Variants in SLC39A7 observed in about 807,000 individuals in gnomAD.
The protein encoded by SLC39A7 is zinc transporter SLC39A7.
SLC39A7 carries 25 observed loss-of-function variants against 39.7 expected under a neutral mutation model. The ratio of observed to expected loss-of-function variants is 0.63; its 90% confidence interval spans 0.46 to 0.88. SLC39A7 has a LOEUF of 0.88. Among genes scored for constraint, SLC39A7 ranks in the 40% least tolerant of loss-of-function variants. The pLI is 0.00. For missense variants in SLC39A7, 501 were observed against 592.1 expected (o/e 0.85, Z 1.60); for synonymous variants, 181 against 234.1 (o/e 0.77, Z 2.07).
intron 3 of SLC39A7, 55 bp from the exon 4 acceptor site, chr6:33,202,208 G>A: frequency 6.3e-7 from 1 of 1,597,294 alleles, no homozygotes; most frequent in Non-Finnish European, 8.6e-7. Context: ...CGCACTTGAG[G>A]AGGAGGAGTC....
Position 33,200,942 on chromosome 6 carries a change from A to G in SLC39A7, c.-304A>G, listed in dbSNP as rs1455211337. The G allele has an allele frequency of 4.1e-6, 4 of 969,470 alleles. No homozygotes were observed. The highest frequency in any genetic ancestry group is 4.8e-6 in the Non-Finnish European group (3 of 622,290). 60.1% of individuals were successfully genotyped at this position (969,470 alleles called of 1,614,324 possible). ...AAAGGAGAGGATCCCGGAGCCGGTGAGAATTCTCTGTTTTTTCTCTACCAT... is the reference window on the plus strand; with the variant it reads ...AAAGGAGAGGATCCCGGAGCCGGTGGGAATTCTCTGTTTTTTCTCTACCAT... On this transcript the variant is annotated 5_prime_UTR_variant, in exon 1 of 7. Coordinates refer to ENST00000374677, the MANE Select transcript of SLC39A7 (RefSeq NM_006979.3). This position sits in a 1 kb window ranked among gnomAD's most constrained non-coding sequence, Gnocchi z 6.3.
rs2150684763 is a variant in SLC39A7 at position 33,202,358 on chromosome 6, C to T, written c.730C>T (p.His244Tyr). Residue 244 changes from histidine (H) to tyrosine (Y), a missense_variant, in exon 4 of 7, where the codon CAT (histidine) becomes TAT (tyrosine). Transcript: ENST00000374677. ...ATTTGTGAGACATGTGAAAGGAGGA[C>T]ATGGTCACAGTCATGGACATGGACA... The part of the protein sequence containing the change: ...EKFVRHVKGG[H>Y]GHSHGHGHAH... 6.2e-7 allele frequency: 1 copy of T among 1,612,836 alleles called. No individual in the cohort carries two copies. The highest frequency in any genetic ancestry group is 2.2e-5 in the East Asian group (1 of 44,886).
In SLC39A7 at chr6:33,204,329, G is replaced by A. The variant is rs1228044323; in HGVS notation, c.*516G>A. 3.7e-6 allele frequency: 2 copies of A among 545,452 alleles called. No individual in the cohort carries two copies. The highest frequency in any genetic ancestry group is 2.1e-5 in the South Asian group (1 of 48,564). The allele number at this position is 545,452 out of a possible 1,614,324, so 33.8% of individuals were successfully genotyped here. ...GGATGGGGTGGGAGAGGGTTAGTTG[G>A]TATTCTCATGGCCTGATTTTTTTTG... On this transcript the variant is annotated 3_prime_UTR_variant, in exon 7 of 7. Transcript: ENST00000374677.
rs375996215 is a variant in SLC39A7 at position 33,203,776 on chromosome 6, G to C, written c.1373G>C (p.Gly458Ala). The C allele has an allele frequency of 2.5e-6, 4 of 1,614,200 alleles. No individual in the cohort carries two copies. In the South Asian group the frequency reaches 4.4e-5, roughly 18 times the overall value. Residue 458 changes from glycine to alanine, a missense_variant, in exon 7 of 7, where the codon GGA becomes GCA. Transcript: ENST00000374677. ...CTGGAGGTGCTGGGGCTGCTGGGGG[G>C]AGTTATCATGATGGTGCTGATTGCC... ...SLLEVLGLLG[G>A]VIMMVLIAHL...
chr6:33,203,205 C>T lies in SLC39A7; in HGVS notation c.1137+99C>T, dbSNP rs189373728. 1.2e-3 allele frequency: 1,272 copies of T among 1,037,080 alleles called. 1 individual carries two copies. The highest frequency in any genetic ancestry group is 2.3e-3 in the Admixed American group (95 of 41,156). 64.2% of individuals were successfully genotyped at this position (1,037,080 alleles called of 1,614,324 possible). A position where few individuals can be genotyped will look rare whatever the true frequency, so the allele number is the denominator to read the frequency against. Reference sequence around the variant, plus strand: ...TCTTATTAGTTCCAAACAATTCATACTGTCATTGACAAGTCCTCTAGAAAT... The same window carrying T: ...TCTTATTAGTTCCAAACAATTCATATTGTCATTGACAAGTCCTCTAGAAAT... On this transcript the variant is annotated intron_variant, in intron 6 of 6. Transcript: ENST00000374677.
rs987303910 is a variant in SLC39A7, at chr6:33,203,904, G to C, written c.*91G>C. ...TTGGGGGCCCTGGCCAGGGACATCTGCCAAAGGAAGGAACTGTAGCCTGGG... is the reference window on the plus strand; with the variant it reads ...TTGGGGGCCCTGGCCAGGGACATCTCCCAAAGGAAGGAACTGTAGCCTGGG... On this transcript the variant is annotated 3_prime_UTR_variant, in exon 7 of 7. Coordinates refer to ENST00000374677, the MANE Select transcript of SLC39A7 (RefSeq NM_006979.3). 6 of 1,297,574 alleles carry C rather than the reference G, an allele frequency of 4.6e-6. No homozygotes were observed. The highest frequency in any genetic ancestry group is 4.4e-5 in the African/African-American group (3 of 68,786). The allele number at this position is 1,297,574 out of a possible 1,614,324, so 80.4% of individuals were successfully genotyped here. A position where few individuals can be genotyped will look rare whatever the true frequency, so the allele number is the denominator to read the frequency against.
Position 33,201,647 on chromosome 6 carries a change from C to G in SLC39A7, c.402C>G (p.Leu134=). Residue 134 remains leucine, a synonymous_variant, in exon 1 of 7, where the codon CTC becomes CTG. Transcript: ENST00000374677. The surrounding 1 kb of genome is among the most constrained non-coding windows in gnomAD (Gnocchi z 5.9). ...AGCAGGACCTGGATGCTGTCACTCT[C>G]TGGGCTTATGTGAGTCTCCAGGGGA... ...GIKQDLDAVT[L]WAYALGATVL... is the part of the protein sequence containing the mutation. 6.2e-7 allele frequency: 1 copy of G among 1,611,074 alleles called. No individual in the cohort carries two copies. The highest frequency in any genetic ancestry group is 8.5e-7 in the Non-Finnish European group (1 of 1,177,850).
At position 33,201,157 on chromosome 6, in the gene SLC39A7, C is replaced by A; in HGVS notation, c.-89C>A. 1.5e-6 allele frequency: 2 copies of A among 1,294,476 alleles called. No individual in the cohort carries two copies. Among genetic ancestry groups the A allele is most frequent in the Non-Finnish European group, 2.1e-6 (2 of 931,108 alleles). The allele number at this position is 1,294,476 out of a possible 1,614,324, so 80.2% of individuals were successfully genotyped here. A position where few individuals can be genotyped will look rare whatever the true frequency, so the allele number is the denominator to read the frequency against. The stretch of plus-strand genomic sequence containing the variant: ...TGGGAGAGCGGCCCATAGAGGTGGA[C>A]GGAGGGCGCGATTGGAGTAAAGCGG... On this transcript the variant is annotated 5_prime_UTR_variant, in exon 1 of 7. Transcript: ENST00000374677. The surrounding 1 kb of genome is among the most constrained non-coding windows in gnomAD (Gnocchi z 5.9).
In SLC39A7 at chr6:33,204,192, A is replaced by C; in HGVS notation, c.*379A>C. On this transcript the variant is annotated 3_prime_UTR_variant, in exon 7 of 7. Coordinates refer to ENST00000374677, the MANE Select transcript of SLC39A7 (RefSeq NM_006979.3). ...AAGGTCCAGTTTCCTTTCTCCCACC[A>C]GTTGGTGGAGGCTTCAGGGAAGACC... 2 of 450,770 alleles carry C rather than the reference A, an allele frequency of 4.4e-6. No homozygotes were observed. The highest frequency in any genetic ancestry group is 4.9e-5 in the South Asian group (2 of 40,812). The allele number at this position is 450,770 out of a possible 1,614,324, so 27.9% of individuals were successfully genotyped here. A position where few individuals can be genotyped will look rare whatever the true frequency, so the allele number is the denominator to read the frequency against.
Position 33,203,773 on chromosome 6 carries a change from G to C in SLC39A7, c.1370G>C (p.Gly457Ala), listed in dbSNP as rs372748339. The C allele has an allele frequency of 1.1e-4, 170 of 1,614,102 alleles. No homozygotes were observed. The highest frequency in any genetic ancestry group is 1.2e-4 in the Non-Finnish European group (140 of 1,180,056). ...QSLLEVLGLL[G>A]GVIMMVLIAH... ...CTTCTGGAGGTGCTGGGGCTGCTGG[G>C]GGGAGTTATCATGATGGTGCTGATT... Residue 457 changes from glycine (G) to alanine (A), a missense_variant, in exon 7 of 7, where the codon GGG (glycine) becomes GCG (alanine). Transcript: ENST00000374677.
intron 4 of SLC39A7, 40 bp downstream of exon 4, chr6:33,202,467 G>A: frequency 5.6e-6 from 9 of 1,607,824 alleles, no homozygotes; most frequent in Non-Finnish European, 7.7e-6. Context: ...TGACTTGCCT[G>A]CCTCAGAATC....
rs940613535 is a variant in SLC39A7 at position 33,203,638 on chromosome 6, G to T, written c.1235G>T (p.Gly412Val). 7 of 1,614,142 alleles carry T rather than the reference G, an allele frequency of 4.3e-6. No individual in the cohort carries two copies. The highest frequency in any genetic ancestry group is 4.0e-5 in the African/African-American group (3 of 74,944). Residue 412 changes from glycine to valine, a missense_variant, in exon 7 of 7, where the codon GGT becomes GTT. Physicochemically the swap from Gly to Val is moderately radical, Grantham distance 109. Coordinates refer to ENST00000374677, the MANE Select transcript of SLC39A7 (RefSeq NM_006979.3). ...EGGAVGSEIA[G>V]GAGPGWVLPF... ...GGAGCAGTGGGCAGTGAAATTGCAG[G>T]TGGTGCAGGTCCTGGCTGGGTCCTG... is the stretch of plus-strand genomic sequence containing the variant.
Position 33,201,651 on chromosome 6 carries a change from G to T in SLC39A7, c.406G>T (p.Ala136Ser), listed in dbSNP as rs866817565. Reference sequence around the variant, plus strand: ...GGACCTGGATGCTGTCACTCTCTGGGCTTATGTGAGTCTCCAGGGGATGGG... The same window carrying T: ...GGACCTGGATGCTGTCACTCTCTGGTCTTATGTGAGTCTCCAGGGGATGGG... ...KQDLDAVTLW[A>S]YALGATVLIS... The change falls in exon 1 of 7, where the codon GCT (alanine) becomes TCT (serine). Residue 136 changes from alanine (A) to serine (S), a missense_variant. Ala to Ser is a moderately conservative substitution (Grantham distance 99). Transcript: ENST00000374677. This position sits in a 1 kb window ranked among gnomAD's most constrained non-coding sequence, Gnocchi z 5.9. The T allele has an allele frequency of 6.2e-7, 1 of 1,610,792 alleles. No homozygotes were observed. Among genetic ancestry groups the T allele is most frequent in the African/African-American group, 1.3e-5 (1 of 74,806 alleles).
Position 33,201,184 on chromosome 6 carries a change from C to A in SLC39A7, c.-62C>A. 1 of 1,494,414 alleles carries A rather than the reference C, an allele frequency of 6.7e-7. No individual in the cohort carries two copies. 92.6% of individuals were successfully genotyped at this position (1,494,414 alleles called of 1,614,324 possible). A position where few individuals can be genotyped will look rare whatever the true frequency, so the allele number is the denominator to read the frequency against. ...GAGGGCGCGATTGGAGTAAAGCGGA[C>A]CCTGTGTAGGTATAGAGTTGAGTCA... On this transcript the variant is annotated 5_prime_UTR_variant, in exon 1 of 7. Transcript: ENST00000374677. This position sits in a 1 kb window ranked among gnomAD's most constrained non-coding sequence, Gnocchi z 5.9.
At chr6:33,202,497 A>C in intron 4 of SLC39A7, 63 bp from the exon 5 acceptor site, 1 of 1,597,848 alleles carries the variant, frequency 6.3e-7, no homozygotes, top group Non-Finnish European at 8.5e-7. Context: ...TATGGCCCTC[A>C]GGAGGGAGAG....
At position 33,202,646 on chromosome 6, in the gene SLC39A7, C is replaced by T. The variant is rs1774695469; in HGVS notation, c.886C>T (p.Pro296Ser). Residue 296 changes from proline (P) to serine (S), a missense_variant, in exon 5 of 7, where the codon CCC becomes TCC. By Grantham distance (74) the Pro-to-Ser change is moderately conservative. Coordinates refer to ENST00000374677, the MANE Select transcript of SLC39A7 (RefSeq NM_006979.3). ...VQKRRGGSTV[P>S]KDGPVRPQNA... ...GAAGAGGCGAGGAGGGAGCACAGTA[C>T]CCAAAGATGGGCCAGTGAGACCTCA... 1 of 1,610,696 alleles carries T rather than the reference C, an allele frequency of 6.2e-7. No individual in the cohort carries two copies. The highest frequency in any genetic ancestry group is 8.5e-7 in the Non-Finnish European group (1 of 1,179,450).
chr6:33,202,256 T>G lies in SLC39A7; in HGVS notation c.635-7T>G. The G allele has an allele frequency of 1.2e-6, 2 of 1,611,932 alleles. No homozygotes were observed. Among genetic ancestry groups the G allele is most frequent in the Non-Finnish European group, 1.7e-6 (2 of 1,179,048 alleles). ...CTCCCTTAATGTCTCAATGCCTCCA[T>G]TCCCAGGCCAGGGCCCCATTCTGTC... On this transcript the variant is annotated splice_polypyrimidine_tract_variant and splice_region_variant and intron_variant, in intron 3 of 6. Coordinates refer to ENST00000374677, the MANE Select transcript of SLC39A7 (RefSeq NM_006979.3).
At position 33,201,810 on chromosome 6, in the gene SLC39A7, G is replaced by A. The variant is rs756514650; in HGVS notation, c.477G>A (p.Glu159=). ...TTGTCCTCTTCCTTATCCCCGTGGAGTCGAACTCTCCCCGGCATCGCTCTC... is the reference window on the plus strand; with the variant it reads ...TTGTCCTCTTCCTTATCCCCGTGGAATCGAACTCTCCCCGGCATCGCTCTC... ...PFFVLFLIPV[E]SNSPRHRSLL... The change falls in exon 2 of 7, where the codon GAG becomes GAA. Residue 159 remains glutamate (E), a synonymous_variant. Coordinates refer to ENST00000374677, the MANE Select transcript of SLC39A7 (RefSeq NM_006979.3). This position sits in a 1 kb window ranked among gnomAD's most constrained non-coding sequence, Gnocchi z 5.9. 2.5e-6 allele frequency: 4 copies of A among 1,613,496 alleles called. No homozygotes were observed. The highest frequency in any genetic ancestry group is 3.4e-6 in the Non-Finnish European group (4 of 1,180,030).
chr6:33,203,672 T>C lies in SLC39A7; in HGVS notation c.1269T>C (p.Thr423=), dbSNP rs766288415. 1 of 1,614,274 alleles carries C rather than the reference T, an allele frequency of 6.2e-7. No homozygotes were observed. The highest frequency in any genetic ancestry group is 1.1e-5 in the South Asian group (1 of 91,092). ...GTCCTGGCTGGGTCCTGCCATTTAC[T>C]GCAGGTGGCTTTATCTACGTAGCAA... ...GAGPGWVLPF[T]AGGFIYVATV... is the part of the protein sequence containing the mutation. Residue 423 remains threonine (T), a synonymous_variant, in exon 7 of 7, where the codon ACT becomes ACC. Transcript: ENST00000374677.
Sources: allele counts gnomAD v4.1 joint callset, GRCh38; gene constraint gnomAD v4.1.1; non-coding constraint Gnocchi (gnomAD v3.1); transcripts MANE v1.5; gene names NCBI Gene and HGNC (gene_info 2026-07-23, HGNC 2026-07-21).